The following ENPP5 variants were observed in gnomAD, a reference collection of about 807,000 sequenced individuals.
ENPP5 encodes E-NPP 5.
ENPP5 carries 27 observed loss-of-function variants against 33.7 expected under a neutral mutation model. The observed-to-expected ratio is 0.80, with a 90% CI of 0.59 to 1.11. The LOEUF is 1.11. Ranked by LOEUF, ENPP5 falls within the 50% of genes least tolerant of loss-of-function variation. The pLI is 0.00. For synonymous variants in ENPP5, 199 were observed against 200.5 expected (o/e 0.99, Z 0.06); for missense variants, 552 against 579.2 (o/e 0.95, Z 0.48).
chr6:46,161,582 C>T lies in ENPP5; in HGVS notation c.1178G>A (p.Trp393Ter), dbSNP rs1327221684. ...ITAMPHNGSFWNVQDLLNSAM... is the reference protein window; with the variant it reads ...ITAMPHNGSF ...TGAATTGAGCAGATCCTGGACATTCCAGAATGATCCATTGTGTGGCATGGC... is the reference window on the plus strand; with the variant it reads ...TGAATTGAGCAGATCCTGGACATTCTAGAATGATCCATTGTGTGGCATGGC... Residue 393 changes from tryptophan to a stop codon, truncating the protein, a stop_gained, in exon 5 of 5, where the codon TGG (tryptophan) becomes TAG (stop). Coordinates refer to ENST00000371383, the MANE Select transcript of ENPP5 (RefSeq NM_001290072.2). LOFTEE classifies it high-confidence loss of function. 3 of 1,614,012 alleles carry T rather than the reference C, an allele frequency of 1.9e-6. No homozygotes were observed. The highest frequency in any genetic ancestry group is 2.2e-5 in the East Asian group (1 of 44,858).
chr6:46,169,915 G>C (rs1206779564), intron 2 of ENPP5, 138 bp downstream of exon 2: 3 of 152,116 alleles, frequency 2.0e-5, no homozygotes, highest in Non-Finnish European at 1.5e-5. Flanking sequence ...TTTAGGTATT[G>C]GTCTCAAGAT....
chr6:46,169,008 A>G (rs1327730699), intron 2 of ENPP5, among the ~76,000 whole-genome samples: 1 of 152,198 alleles, frequency 6.6e-6, no homozygotes, highest in Non-Finnish European at 1.5e-5. Flanking sequence ...CAGAAATATA[A>G]TTCTGAAATT....
rs1210879315 is a variant in ENPP5 at position 46,167,735 on chromosome 6, T to C, written c.528A>G (p.Ser176=). Residue 176 remains serine, a synonymous_variant, in exon 3 of 5, where the codon TCA becomes TCG. Transcript: ENST00000371383. ...RVAKIIEWFT[S]KEPINLGLLY... is the part of the protein sequence containing the mutation. ...GAAGACCAAGATTTATGGGCTCTTT[T>C]GACGTAAACCATTCAATAATTTTGG... 2 of 1,614,176 alleles carry C rather than the reference T, an allele frequency of 1.2e-6. No individual in the cohort carries two copies. The highest frequency in any genetic ancestry group is 1.7e-6 in the Non-Finnish European group (2 of 1,180,036).
At position 46,165,974 on chromosome 6, in the gene ENPP5, G is replaced by T. The variant is rs540678792; in HGVS notation, c.830-411C>A. ...GAAAAGAGGCTGGAGGTGGAAAGCAGTTTGTAAAATGGAAACATCTGAAAA... is the reference window on the plus strand; with the variant it reads ...GAAAAGAGGCTGGAGGTGGAAAGCATTTTGTAAAATGGAAACATCTGAAAA... On this transcript the variant is annotated intron_variant, in intron 3 of 4. Coordinates refer to ENST00000371383, the MANE Select transcript of ENPP5 (RefSeq NM_001290072.2). Among the ~76,000 whole-genome samples the T allele has an allele frequency of 2.6e-5, 4 of 152,230 alleles. No homozygotes were observed. The South Asian group carries it at 8.3e-4, about 32-fold the overall frequency.
chr6:46,168,115 G>T lies in ENPP5; in HGVS notation c.148C>A (p.His50Asn). 3 of 1,613,810 alleles carry T rather than the reference G, an allele frequency of 1.9e-6. No individual in the cohort carries two copies. Among genetic ancestry groups the T allele is most frequent in the Non-Finnish European group, 2.5e-6 (3 of 1,179,710 alleles). The change falls in exon 3 of 5, where the codon CAT becomes AAT. Residue 50 changes from histidine (H) to asparagine (N), a missense_variant. By Grantham distance (68) the His-to-Asn change is moderately conservative. Transcript: ENST00000371383. ...WDYLYKVPTP[H>N]FHYIMKYGVH... The stretch of plus-strand genomic sequence containing the variant: ...CCATATTTCATAATATAATGAAAAT[G>T]GGGCGTTGGAACTTTATATAAGTAA...
At chr6:46,164,449 G>A (rs1764476460) in intron 4 of ENPP5, among the ~76,000 whole-genome samples, 1 of 151,976 alleles carries the variant, frequency 6.6e-6, no homozygotes, top group African/African-American at 2.4e-5. Context: ...GGTATACAGT[G>A]GTCAATCTTT....
At chr6:46,163,886 T>C (rs1190539674) in intron 4 of ENPP5, among the ~76,000 whole-genome samples, 1 of 152,188 alleles carries the variant, frequency 6.6e-6, no homozygotes, top group Non-Finnish European at 1.5e-5. Flanking sequence ...GAAAACTGGC[T>C]AGCCATATGT....
intron 4 of ENPP5, 130 bp downstream of exon 4, chr6:46,165,257 T>C (rs1217512890): frequency 1.6e-5 from 11 of 695,028 alleles, no homozygotes; most frequent in Non-Finnish European, 2.5e-5. Flanking sequence ...ACGAAAACAT[T>C]GTAGTTCCTT....
intron 2 of ENPP5, among the ~76,000 whole-genome samples, 161 bp downstream of exon 2, chr6:46,169,892 A>T (rs2127500171): frequency 6.6e-6 from 1 of 152,302 alleles, no homozygotes; most frequent in Non-Finnish European, 1.5e-5. Flanking sequence ...GACATTTCTT[A>T]AACTGAAATT....
intron 4 of ENPP5, among the ~76,000 whole-genome samples, chr6:46,161,995 G>A (rs1764409784): frequency 1.3e-5 from 2 of 152,106 alleles, no homozygotes; most frequent in Non-Finnish European, 2.9e-5. Context: ...GGGGAAGAAG[G>A]GTAAAGAACA....
At position 46,167,442 on chromosome 6, in the gene ENPP5, G is replaced by A; in HGVS notation, c.821C>T (p.Pro274Leu). ...CATTCAGTCAGCCTTACCTTCTTTT[G>A]GCAAGATGGCTGCTACTGGAGATTG... ...IDQSPVAAIL[P>L]KEGKFDEVYE... The change falls in exon 3 of 5, where the codon CCA (proline) becomes CTA (leucine). Residue 274 changes from proline to leucine, a missense_variant. Transcript: ENST00000371383. 1 of 1,601,180 alleles carries A rather than the reference G, an allele frequency of 6.2e-7. No homozygotes were observed. Among genetic ancestry groups the A allele is most frequent in the Non-Finnish European group, 8.6e-7 (1 of 1,169,478 alleles).
chr6:46,163,604 G>A (rs1404798860), intron 4 of ENPP5, among the ~76,000 whole-genome samples: 3 of 151,848 alleles, frequency 2.0e-5, no homozygotes, highest in Non-Finnish European at 4.4e-5. Flanking sequence ...CTGAGGAATC[G>A]CCACACTGAC....
chr6:46,163,357 C>T, intron 4 of ENPP5, among the ~76,000 whole-genome samples: 1 of 103,806 alleles, frequency 9.6e-6, no homozygotes, highest in Non-Finnish European at 1.9e-5. Flanking sequence ...CCAATGCTAT[C>T]CCTCCCCCCT....
Position 46,170,919 on chromosome 6 carries a change from G to T in ENPP5, c.-209C>A, listed in dbSNP as rs1443337717. ...ACGGCGGGAGGGTGACTGGAGGAAC[G>T]CCCCCGGAACGCGCAGGAGCTCACC... is the stretch of plus-strand genomic sequence containing the variant. On this transcript the variant is annotated 5_prime_UTR_variant, in exon 1 of 5. Transcript: ENST00000371383. 1 of 152,272 alleles carries T rather than the reference G, an allele frequency of 6.6e-6. No homozygotes were observed. Among genetic ancestry groups the T allele is most frequent in the Non-Finnish European group, 1.5e-5 (1 of 68,122 alleles). The allele number at this position is 152,272 out of a possible 1,614,324, so 9.4% of individuals were successfully genotyped here. A position where few individuals can be genotyped will look rare whatever the true frequency, so the allele number is the denominator to read the frequency against.
At position 46,159,645 on chromosome 6, in the gene ENPP5, T is replaced by C. The variant is rs184699807; in HGVS notation, c.*1681A>G. On this transcript the variant is annotated 3_prime_UTR_variant, in exon 5 of 5. Coordinates refer to ENST00000371383, the MANE Select transcript of ENPP5 (RefSeq NM_001290072.2). ...GGGAATTATGTGCCAACATTCCTTA[T>C]TGGTATTATCATTTTAAAAAATAAG... is the stretch of plus-strand genomic sequence containing the variant. 1.8e-4 allele frequency: 28 copies of C among 152,344 alleles called. No individual in the cohort carries two copies. The East Asian group carries it at 5.0e-3, about 27-fold the overall frequency. 9.4% of individuals were successfully genotyped at this position (152,344 alleles called of 1,614,324 possible).
chr6:46,164,582 T>C (rs187555159), intron 4 of ENPP5, among the ~76,000 whole-genome samples: 65 of 152,322 alleles, frequency 4.3e-4, no homozygotes, highest in African/African-American at 1.5e-3. Context: ...GAGGGCCCTT[T>C]GAATTTATAT....
chr6:46,168,140 A>T lies in ENPP5; in HGVS notation c.123T>A (p.Asp41Glu). ...GGGGCGTTGGAACTTTATATAAGTA[A>T]TCCCAACGGAATCCATCAAAAGAAA... The part of the protein sequence containing the change: ...LLVSFDGFRW[D>E]YLYKVPTPHF... The change falls in exon 3 of 5, where the codon GAT (aspartate) becomes GAA (glutamate). Residue 41 changes from aspartate (D) to glutamate (E), a missense_variant. Transcript: ENST00000371383. 6.2e-7 allele frequency: 1 copy of T among 1,613,620 alleles called. No individual in the cohort carries two copies. Among genetic ancestry groups the T allele is most frequent in the Non-Finnish European group, 8.5e-7 (1 of 1,179,498 alleles).
rs1169148339 is a variant in ENPP5, at chr6:46,168,176, C to T, written c.87G>A (p.Lys29=). 1 of 1,613,380 alleles carries T rather than the reference C, an allele frequency of 6.2e-7. No homozygotes were observed. Among genetic ancestry groups the T allele is most frequent in the South Asian group, 1.1e-5 (1 of 91,014 alleles). Residue 29 remains lysine, a synonymous_variant, in exon 3 of 5, where the codon AAG becomes AAA. Coordinates refer to ENST00000371383, the MANE Select transcript of ENPP5 (RefSeq NM_001290072.2). ...TTFSLQPDQQ[K]VLLVSFDGFR... ...ATCCATCAAAAGAAACTAGTAGAAC[C>T]TTTTGCTGGTCTGGTTGGAGAGAAA...
chr6:46,161,777 AAGTT>A (rs765667172), intron 4 of ENPP5, 24 bp from the exon 5 acceptor site: 2 of 1,570,024 alleles, frequency 1.3e-6, no homozygotes, highest in Non-Finnish European at 1.7e-6. Context: ...ATATGTGAAA[AAGTT>A]AGCCAACTAT....
Sources: allele counts gnomAD v4.1 joint callset (sites outside exome capture counted in the v4.1 genomes callset), GRCh38; gene constraint gnomAD v4.1.1; transcripts MANE v1.5; gene names NCBI Gene and HGNC (gene_info 2026-07-23, HGNC 2026-07-21).